Variants in PIBF1 observed in about 807,000 individuals in gnomAD.
The protein encoded by PIBF1 is progesterone immunomodulatory binding factor 1.
A neutral mutation model predicts 112.5 loss-of-function variants in PIBF1; 90 were observed. The ratio of observed to expected loss-of-function variants is 0.80; its 90% CI spans 0.67 to 0.95. PIBF1 has a LOEUF of 0.95. Among genes scored for constraint, PIBF1 ranks in the 40% least tolerant of loss-of-function variants. PIBF1 has a pLI of 0.00. For synonymous variants in PIBF1, 301 were observed against 288.6 expected (o/e 1.04, Z -0.44); for missense variants, 915 against 852.3 (o/e 1.07, Z -0.92).
rs1156334355 is a variant in PIBF1, at chr13:72,844,728, T to TACACACACACACACACAC, written c.1224-9274_1224-9257dup. On this transcript the variant is annotated intron_variant, in intron 9 of 17. Transcript: ENST00000326291. ...TTATAAAAGCATCTGTAATTTTATTTACACACACACACACACACACACACA... is the reference window on the plus strand; with the variant it reads ...TTATAAAAGCATCTGTAATTTTATTTACACACACACACACACACACACACACACACACACACACACACA... Among the ~76,000 whole-genome samples the TACACACACACACACACAC allele has an allele frequency of 4.7e-4, 25 of 53,244 alleles. 3 individuals are homozygous for TACACACACACACACACAC. Among genetic ancestry groups the TACACACACACACACACAC allele is most frequent in the African/African-American group, 4.9e-4 (6 of 12,164 alleles). The allele number at this position is 53,244 out of a possible 152,430, so 34.9% of individuals were successfully genotyped here. A position where few individuals can be genotyped will look rare whatever the true frequency, so the allele number is the denominator to read the frequency against.
chr13:72,995,585 G>T (rs1460408899), intron 16 of PIBF1, among the ~76,000 whole-genome samples: 1 of 152,132 alleles, frequency 6.6e-6, no homozygotes, highest in Non-Finnish European at 1.5e-5. Flanking sequence ...ATCTTGAGGG[G>T]ACAGATGTTG....
chr13:72,969,552 C>G (rs180772069), intron 15 of PIBF1: 1 of 152,236 alleles, frequency 6.6e-6, no homozygotes, highest in East Asian at 1.9e-4. Flanking sequence ...TATAGGTGTA[C>G]CCTGGTGACA....
chr13:72,985,074 T>C (rs1055940364), intron 16 of PIBF1, among the ~76,000 whole-genome samples: 1 of 152,086 alleles, frequency 6.6e-6, no homozygotes, highest in South Asian at 2.1e-4. Flanking sequence ...AGCAAGTAAA[T>C]GACTTCTCTT....
At chr13:72,905,343 G>A (rs983732644) in intron 11 of PIBF1, among the ~76,000 whole-genome samples, 39 of 151,946 alleles carry the variant, frequency 2.6e-4, no homozygotes, top group African/African-American at 8.0e-4. Context: ...TGGGATTACC[G>A]GCGTGAGCCA....
intron 13 of PIBF1, among the ~76,000 whole-genome samples, chr13:72,921,424 A>T (rs1222515919): frequency 6.6e-6 from 1 of 152,136 alleles, no homozygotes; most frequent in Non-Finnish European, 1.5e-5. Flanking sequence ...TGTTTATTTC[A>T]TAAAATTGGA....
In PIBF1 at chr13:72,792,455, A is replaced by C; in HGVS notation, c.261A>C (p.Glu87Asp). 1 of 1,544,710 alleles carries C rather than the reference A, an allele frequency of 6.5e-7. No individual in the cohort carries two copies. Among genetic ancestry groups the C allele is most frequent in the Non-Finnish European group, 8.8e-7 (1 of 1,141,828 alleles). The change falls in exon 3 of 18, where the codon GAA becomes GAC. Residue 87 changes from glutamate to aspartate, a missense_variant. Transcript: ENST00000326291. ...TTTTTCTCTTTACGAAGATTGAAGAATTGGAGGAGAAACTTAATGATGCAC... is the reference window on the plus strand; with the variant it reads ...TTTTTCTCTTTACGAAGATTGAAGACTTGGAGGAGAAACTTAATGATGCAC... ...LKVDYLTKIE[E>D]LEEKLNDALH...
intron 9 of PIBF1, among the ~76,000 whole-genome samples, chr13:72,849,742 A>G (rs897572592): frequency 1.3e-5 from 2 of 152,248 alleles, no homozygotes; most frequent in Non-Finnish European, 2.9e-5. Flanking sequence ...TTTAAGAGGC[A>G]GCATAGTATG....
In PIBF1 at chr13:72,853,304, G is replaced by A. The variant is rs555847168; in HGVS notation, c.1224-753G>A. On this transcript the variant is annotated intron_variant, in intron 9 of 17. Coordinates refer to ENST00000326291, the MANE Select transcript of PIBF1 (RefSeq NM_006346.4). ...AACTGTTAAGTAGATGACTTTTCCA[G>A]TACCCTAACTTCATACTTCTTTGAG... Among the ~76,000 whole-genome samples the A allele has an allele frequency of 3.5e-4, 54 of 152,182 alleles. No individual in the cohort carries two copies. In the South Asian group the frequency reaches 7.5e-3, roughly 21 times the overall value.
intron 11 of PIBF1, among the ~76,000 whole-genome samples, chr13:72,905,320 C>T (rs545543260): frequency 2.0e-5 from 3 of 152,184 alleles, no homozygotes; most frequent in Non-Finnish European, 2.9e-5. Context: ...CACATCTCAG[C>T]CTCCCAAAGT....
At chr13:73,015,767 T>C (rs2044364708) in intron 17 of PIBF1, 102 bp from the exon 18 acceptor site, 2 of 473,950 alleles carry the variant, frequency 4.2e-6, no homozygotes, top group Non-Finnish European at 7.1e-6. Context: ...TTTTTTAGTA[T>C]AGCTTACATA....
At chr13:72,873,434 T>C (rs1044750635) in intron 10 of PIBF1, among the ~76,000 whole-genome samples, 3 of 152,168 alleles carry the variant, frequency 2.0e-5, no homozygotes, top group African/African-American at 7.2e-5. Flanking sequence ...GTTTTGCTCT[T>C]GTTGCCCAGG....
intron 10 of PIBF1, among the ~76,000 whole-genome samples, chr13:72,872,176 G>C (rs2039194138): frequency 6.6e-6 from 1 of 152,192 alleles, no homozygotes; most frequent in South Asian, 2.1e-4. Context: ...GAGTGTTAGA[G>C]ATAGTGTTTG....
Position 72,951,482 on chromosome 13 carries a change from A to G in PIBF1, c.1834-13792A>G, listed in dbSNP as rs2042293780. Among the ~76,000 whole-genome samples the G allele has an allele frequency of 2.0e-5, 3 of 152,162 alleles. 1 individual carries two copies. The highest frequency in any genetic ancestry group is 4.4e-5 in the Non-Finnish European group (3 of 68,022). On this transcript the variant is annotated intron_variant, in intron 14 of 17. Transcript: ENST00000326291. ...AGAAAATGCAGGGGTTTATTTTTTT[A>G]AAAACAGATTGTGTCTTATAATATC...
At chr13:72,826,027 G>C (rs1296035090) in intron 6 of PIBF1, among the ~76,000 whole-genome samples, 1 of 143,394 alleles carries the variant, frequency 7.0e-6, no homozygotes, top group African/African-American at 2.6e-5. Flanking sequence ...GACATAGCAA[G>C]ACCCCCATCT....
chr13:72,993,156 C>T (rs940765956), intron 16 of PIBF1, among the ~76,000 whole-genome samples: 5 of 151,560 alleles, frequency 3.3e-5, no homozygotes, highest in Non-Finnish European at 7.4e-5. Flanking sequence ...CCCATTTATA[C>T]AAAAAAATAC....
chr13:72,982,168 G>A (rs1044226559), intron 16 of PIBF1, among the ~76,000 whole-genome samples: 61 of 152,230 alleles, frequency 4.0e-4, no homozygotes, highest in African/African-American at 1.4e-3. Context: ...GACTGGGCAC[G>A]GTGGCTCCTA....
intron 5 of PIBF1, among the ~76,000 whole-genome samples, chr13:72,817,191 G>A (rs1395500132): frequency 6.6e-6 from 1 of 152,162 alleles, no homozygotes; most frequent in Non-Finnish European, 1.5e-5. Flanking sequence ...ACACAGACAG[G>A]AGTTGTTCAT....
intron 5 of PIBF1, among the ~76,000 whole-genome samples, chr13:72,805,958 A>G (rs1360141913): frequency 6.6e-6 from 1 of 152,256 alleles, no homozygotes; most frequent in East Asian, 1.9e-4. Flanking sequence ...TATATTTCAC[A>G]TATATATAAA....
intron 9 of PIBF1, among the ~76,000 whole-genome samples, chr13:72,851,217 G>A (rs867837493): frequency 2.6e-5 from 4 of 152,148 alleles, no homozygotes; most frequent in Admixed American, 6.5e-5. Context: ...GCCCTCCCAG[G>A]CGCAGCTGCA....
Sources: gnomAD v4.1 joint callset for allele counts (sites outside exome capture counted in the v4.1 genomes callset) on GRCh38, gnomAD v4.1.1 for gene constraint, MANE v1.5 for transcripts, NCBI Gene and HGNC (gene_info 2026-07-23, HGNC 2026-07-21) for gene names.